TMEM268: variants seen among roughly 807,000 people sequenced by gnomAD.
TMEM268 encodes transmembrane protein 268.
A neutral mutation model predicts 39.1 loss-of-function variants in TMEM268; 24 were observed. The ratio of observed to expected loss-of-function variants is 0.61; its 90% CI spans 0.44 to 0.86. The LOEUF (loss-of-function observed/expected upper bound fraction) is 0.86, where lower values mean the gene tolerates loss of function less well. Among genes scored for constraint, TMEM268 ranks in the 40% least tolerant of loss-of-function variants. TMEM268 has a pLI of 0.00. For missense variants in TMEM268, 409 were observed against 428.6 expected (o/e 0.95, Z 0.40); for synonymous variants, 176 against 173.5 (o/e 1.01, Z -0.12).
the TMEM268 span, among the ~76,000 whole-genome samples, chr9:114,605,559 G>A: frequency 1.3e-5 from 2 of 152,110 alleles, no homozygotes; most frequent in African/African-American, 4.8e-5. Context: ...GTGTTTGAAG[G>A]GATGATTGAT....
At chr9:114,640,983 C>T (rs1827305728) in intron 8 of TMEM268, among the ~76,000 whole-genome samples, 1 of 152,082 alleles carries the variant, frequency 6.6e-6, no homozygotes, top group Admixed American at 6.5e-5. Context: ...TCAAGCAATC[C>T]TCCTGCCTCA....
chr9:114,624,928 A>C (rs556035504), intron 3 of TMEM268, among the ~76,000 whole-genome samples: 4 of 152,330 alleles, frequency 2.6e-5, no homozygotes, highest in Non-Finnish European at 5.9e-5. Flanking sequence ...AAATAGGAAT[A>C]TGCTGGGTGG....
chr9:114,611,784 C>T (rs1845506839), intron 1 of TMEM268, among the ~76,000 whole-genome samples: 1 of 152,162 alleles, frequency 6.6e-6, no homozygotes, highest in African/African-American at 2.4e-5. Flanking sequence ...GACAAGCCTC[C>T]TGGGGGCCCG....
upstream of TMEM268, among the ~76,000 whole-genome samples, chr9:114,606,253 C>T (rs920270931): frequency 6.6e-5 from 10 of 152,118 alleles, no homozygotes; most frequent in African/African-American, 2.4e-4. Flanking sequence ...CCCTATCTGC[C>T]CCGGGGGGAT....
In TMEM268 at chr9:114,644,120, T is replaced by C. The variant is rs1218721207; in HGVS notation, c.*807T>C. The C allele has an allele frequency of 6.6e-6, 1 of 152,392 alleles. No individual in the cohort carries two copies. The highest frequency in any genetic ancestry group is 2.4e-5 in the African/African-American group (1 of 41,468). 9.4% of individuals were successfully genotyped at this position (152,392 alleles called of 1,614,324 possible). A position where few individuals can be genotyped will look rare whatever the true frequency, so the allele number is the denominator to read the frequency against. ...ATGAACATTGTCCTGGAATGAAGTG[T>C]GATCAGCCACTTGTGGAATTCTTTG... On this transcript the variant is annotated 3_prime_UTR_variant, in exon 9 of 9. Transcript: ENST00000288502.
intron 2 of TMEM268, among the ~76,000 whole-genome samples, chr9:114,620,443 T>C (rs899491249): frequency 2.0e-5 from 3 of 152,022 alleles, no homozygotes; most frequent in African/African-American, 7.2e-5. Context: ...GACGGGGTTT[T>C]TCACCATGTT....
intron 1 of TMEM268, among the ~76,000 whole-genome samples, chr9:114,614,965 C>T (rs757970020): frequency 1.3e-4 from 20 of 148,964 alleles, no homozygotes; most frequent in Non-Finnish European, 1.5e-5. Flanking sequence ...GGCGTGATCT[C>T]GGCTCACTGC....
chr9:114,619,293 GCACACACA>G (rs10552544), intron 2 of TMEM268, among the ~76,000 whole-genome samples: 69,747 of 150,304 alleles, frequency 0.46, 16,227 homozygotes, highest in Admixed American at 0.53. Flanking sequence ...GTGCACGCGT[GCACACACA>G]CACACACACA....
chr9:114,617,287 C>G lies in TMEM268; in HGVS notation c.92C>G (p.Pro31Arg). The change falls in exon 2 of 9, where the codon CCT (proline) becomes CGT (arginine). Residue 31 changes from proline to arginine, a missense_variant. Coordinates refer to ENST00000288502, the MANE Select transcript of TMEM268 (RefSeq NM_153045.4). Reference sequence around the variant, plus strand: ...AGTGCCCTGCCTGGAGGGAGCCCTCCTGGCTGGGGGCAAGGTAAGATCATG... The same window carrying G: ...AGTGCCCTGCCTGGAGGGAGCCCTCGTGGCTGGGGGCAAGGTAAGATCATG... Reference protein sequence around the residue: ...GWSALPGGSPPGWGQELHNGQ... With the variant: ...GWSALPGGSPRGWGQELHNGQ... 3.1e-6 allele frequency: 5 copies of G among 1,613,188 alleles called. No homozygotes were observed. The highest frequency in any genetic ancestry group is 4.2e-6 in the Non-Finnish European group (5 of 1,179,290).
upstream of TMEM268, among the ~76,000 whole-genome samples, chr9:114,607,424 G>A (rs529535298): frequency 2.0e-5 from 3 of 152,266 alleles, no homozygotes; most frequent in Non-Finnish European, 4.4e-5. Context: ...GGGAGGCCGA[G>A]GCAGGTGTAT....
chr9:114,642,234 C>T (rs952666316), intron 8 of TMEM268, among the ~76,000 whole-genome samples: 5 of 152,132 alleles, frequency 3.3e-5, no homozygotes, highest in Non-Finnish European at 7.4e-5. Flanking sequence ...CACCATTTTA[C>T]TTTCTCTCCC....
intron 8 of TMEM268, among the ~76,000 whole-genome samples, chr9:114,639,556 C>G (rs1395130520): frequency 6.6e-6 from 1 of 151,942 alleles, no homozygotes; most frequent in East Asian, 2.0e-4. Flanking sequence ...AGGACAGACC[C>G]ACTGTCAGGG....
chr9:114,628,350 G>T lies in TMEM268; in HGVS notation c.474+100G>T. 3 of 1,423,560 alleles carry T rather than the reference G, an allele frequency of 2.1e-6. No individual in the cohort carries two copies. In the East Asian group the frequency reaches 7.0e-5, roughly 33 times the overall value. 88.2% of individuals were successfully genotyped at this position (1,423,560 alleles called of 1,614,324 possible). A position where few individuals can be genotyped will look rare whatever the true frequency, so the allele number is the denominator to read the frequency against. On this transcript the variant is annotated intron_variant, in intron 5 of 8. Transcript: ENST00000288502. ...TTGCCTCCCTCAAAGAATTTCCCTG[G>T]CCATGAAAATTCACACTAGCCCGTA...
intron 5 of TMEM268, among the ~76,000 whole-genome samples, chr9:114,631,746 C>G (rs1442595762): frequency 6.6e-6 from 1 of 152,102 alleles, no homozygotes; most frequent in Non-Finnish European, 1.5e-5. Context: ...ATAATTATTC[C>G]TCAATTTTCA....
rs1827539272 is a variant in TMEM268, at chr9:114,645,479, C to T, written c.*2166C>T. On this transcript the variant is annotated 3_prime_UTR_variant, in exon 9 of 9. Coordinates refer to ENST00000288502, the MANE Select transcript of TMEM268 (RefSeq NM_153045.4). ...AGAGAAGAGAGATCATGGGTATAGA[C>T]CAGCCCCTGGAAAGGCTGCTTTGGT... 6.6e-6 allele frequency: 1 copy of T among 152,324 alleles called. No homozygotes were observed. The highest frequency in any genetic ancestry group is 2.1e-4 in the South Asian group (1 of 4,834). The allele number at this position is 152,324 out of a possible 1,614,324, so 9.4% of individuals were successfully genotyped here. A position where few individuals can be genotyped will look rare whatever the true frequency, so the allele number is the denominator to read the frequency against.
chr9:114,633,598 G>C (rs999156201), intron 5 of TMEM268, among the ~76,000 whole-genome samples, 170 bp from the exon 6 acceptor site: 2 of 151,994 alleles, frequency 1.3e-5, no homozygotes, highest in African/African-American at 4.8e-5. Context: ...ATGAGTCACT[G>C]TGACTGCCTC....
At chr9:114,634,908 G>A (rs1437325440) in intron 6 of TMEM268, among the ~76,000 whole-genome samples, 1 of 152,202 alleles carries the variant, frequency 6.6e-6, no homozygotes, top group African/African-American at 2.4e-5. Flanking sequence ...ATTCTCGGCA[G>A]TTCAAGTGTG....
At chr9:114,617,872 A>AT (rs201949570) in intron 2 of TMEM268, among the ~76,000 whole-genome samples, 1,729 of 144,514 alleles carry the variant, frequency 0.012, 32 homozygotes, top group African/African-American at 0.04. Context: ...GAGGTTTTTA[A>AT]TTTTTTATTT....
intron 2 of TMEM268, among the ~76,000 whole-genome samples, chr9:114,618,754 T>C (rs754871967): frequency 6.6e-6 from 1 of 152,234 alleles, no homozygotes; most frequent in Non-Finnish European, 1.5e-5. Context: ...TGGCTCAGCC[T>C]AAGTCAGGAC....
Sources: gnomAD v4.1 joint callset for allele counts (sites outside exome capture counted in the v4.1 genomes callset) on GRCh38, gnomAD v4.1.1 for gene constraint, MANE v1.5 for transcripts, NCBI Gene and HGNC (gene_info 2026-07-23, HGNC 2026-07-21) for gene names.